XPO6: variants seen among roughly 807,000 people sequenced by gnomAD.
XPO6 encodes the protein exportin-6.
In XPO6, 3 loss-of-function variants were observed where a neutral mutation model predicts 130.0. That is an observed-to-expected ratio of 0.02 (90% CI 0.01 to 0.06). The LOEUF (loss-of-function observed/expected upper bound fraction) is 0.06, where lower values mean the gene tolerates loss of function less well. XPO6 is among the 10% of genes least tolerant of loss of function. The pLI is 1.00. For synonymous variants in XPO6, 524 were observed against 548.9 expected (o/e 0.95, Z 0.63); for missense variants, 970 against 1,393.0 (o/e 0.70, Z 4.83).
At chr16:28,140,950 C>G (rs1179228081) in intron 9 of XPO6, among the ~76,000 whole-genome samples, 2 of 152,160 alleles carry the variant, frequency 1.3e-5, no homozygotes, top group Admixed American at 1.3e-4. Context: ...AGGATTGAAG[C>G]ATATTCCTGG....
intron 2 of XPO6, among the ~76,000 whole-genome samples, chr16:28,178,770 A>AC (rs1477206146): frequency 6.6e-6 from 1 of 151,760 alleles, no homozygotes; most frequent in African/African-American, 2.4e-5. Flanking sequence ...AAAACAAAAA[A>AC]AAAAAAACAA....
At chr16:28,197,799 G>GT (rs1365717258) in intron 1 of XPO6, among the ~76,000 whole-genome samples, 2 of 150,770 alleles carry the variant, frequency 1.3e-5, no homozygotes, top group African/African-American at 4.9e-5. Flanking sequence ...GGCGCCTGCA[G>GT]TACCAGCTAC....
At chr16:28,125,644 G>C in intron 13 of XPO6, 45 bp downstream of exon 13, 4 of 1,588,480 alleles carry the variant, frequency 2.5e-6, no homozygotes, top group Non-Finnish European at 3.4e-6. Context: ...AGGTAAAGCT[G>C]AACTCTGAAG....
intron 21 of XPO6, among the ~76,000 whole-genome samples, 165 bp downstream of exon 21, chr16:28,104,381 C>T (rs2086725733): frequency 6.6e-6 from 1 of 152,222 alleles, no homozygotes. Flanking sequence ...ATTAGCTCCA[C>T]TTTGCAGATG....
intron 23 of XPO6, 83 bp from the exon 24 acceptor site, chr16:28,098,722 G>C: frequency 2.0e-6 from 2 of 1,018,358 alleles, no homozygotes; most frequent in Non-Finnish European, 2.9e-6. Flanking sequence ...CCATCCCAGA[G>C]TGTGCACTGA....
At chr16:28,156,605 A>C in intron 6 of XPO6, 78 bp from the exon 7 acceptor site, 1 of 877,684 alleles carries the variant, frequency 1.1e-6, no homozygotes, top group Admixed American at 3.3e-5. Context: ...CCTTCAAAAA[A>C]ATATATATAT....
intron 12 of XPO6, among the ~76,000 whole-genome samples, chr16:28,129,467 G>A (rs941061999): frequency 6.6e-6 from 1 of 152,136 alleles, no homozygotes; most frequent in East Asian, 1.9e-4. Context: ...GAATAATGCT[G>A]AAAGGTTTGG....
Position 28,106,611 on chromosome 16 carries a change from T to C in XPO6, c.2498-114A>G. 1 of 778,314 alleles carries C rather than the reference T, an allele frequency of 1.3e-6. No individual in the cohort carries two copies. Among genetic ancestry groups the C allele is most frequent in the Non-Finnish European group, 2.1e-6 (1 of 468,014 alleles). 48.2% of individuals were successfully genotyped at this position (778,314 alleles called of 1,614,324 possible). ...ACTATCAGCTTTCTCTACAGCTTCCTGCTGGAAACATTTCCCCAACACCAT... is the reference window on the plus strand; with the variant it reads ...ACTATCAGCTTTCTCTACAGCTTCCCGCTGGAAACATTTCCCCAACACCAT... On this transcript the variant is annotated intron_variant, in intron 18 of 23. Transcript: ENST00000304658. This position sits in a 1 kb window ranked among gnomAD's most constrained non-coding sequence, Gnocchi z 4.2.
intron 2 of XPO6, among the ~76,000 whole-genome samples, chr16:28,178,252 G>C (rs13329799): frequency 0.29 from 43,545 of 151,922 alleles, 6,361 homozygotes; most frequent in Middle Eastern, 0.33. Context: ...TAAGCTAAAT[G>C]CAACGACGCA....
intron 7 of XPO6, chr16:28,155,783 T>TA: frequency 2.1e-6 from 1 of 480,916 alleles, no homozygotes; most frequent in Non-Finnish European, 3.1e-6. Flanking sequence ...TGCAAGCAAA[T>TA]AGTAAGGAAA....
chr16:28,156,305 A>T lies in XPO6; in HGVS notation c.866T>A (p.Met289Lys). The part of the protein sequence containing the change: ...RFGCDIRARK[M>K]ASVNGSSQNC... ...CTGGCTGCTGCCGTTAACTGACGCC[A>T]TCTTTCTGGCCCGGATGTCACAGCC... Residue 289 changes from methionine to lysine, a missense_variant, in exon 7 of 24, where the codon ATG becomes AAG. By Grantham distance (95) the Met-to-Lys change is moderately conservative. This residue lies in a region of XPO6 where 936 missense variants were observed against 1,306.8 expected (regional missense o/e 0.72). Coordinates refer to ENST00000304658, the MANE Select transcript of XPO6 (RefSeq NM_015171.4). The T allele has an allele frequency of 6.2e-7, 1 of 1,614,104 alleles. No homozygotes were observed. The highest frequency in any genetic ancestry group is 8.5e-7 in the Non-Finnish European group (1 of 1,180,020).
rs145297887 is a variant in XPO6 at position 28,171,867 on chromosome 16, A to G, written c.406-1958T>C. Among the ~76,000 whole-genome samples the G allele has an allele frequency of 1.8e-3, 273 of 152,282 alleles. 2 individuals are homozygous for G. The highest frequency in any genetic ancestry group is 5.8e-3 in the African/African-American group (240 of 41,542). On this transcript the variant is annotated intron_variant, in intron 4 of 23. Transcript: ENST00000304658. ...TCCATTTGGAGACCTTTGGCTTATC[A>G]GTCTATATTCTAAAAGATTCCCATT...
chr16:28,194,380 T>TC (rs1396046964), intron 1 of XPO6, among the ~76,000 whole-genome samples: 4 of 152,194 alleles, frequency 2.6e-5, no homozygotes, highest in Admixed American at 6.5e-5. Context: ...TGAAAACGTG[T>TC]CCCACAGGCC....
chr16:28,205,358 ACTGT>A (rs1203891880), intron 1 of XPO6, among the ~76,000 whole-genome samples: 7 of 152,134 alleles, frequency 4.6e-5, no homozygotes, highest in Admixed American at 1.3e-4. Flanking sequence ...GACCTTTGTA[ACTGT>A]CTGCAAGAAA....
intron 4 of XPO6, chr16:28,173,077 A>G (rs751581558): frequency 1.3e-5 from 2 of 152,230 alleles, no homozygotes; most frequent in African/African-American, 2.4e-5. Context: ...TCTATTAGGT[A>G]TTAGAAGTAA....
At chr16:28,188,538 C>T (rs939249745) in intron 1 of XPO6, among the ~76,000 whole-genome samples, 1 of 151,990 alleles carries the variant, frequency 6.6e-6, no homozygotes, top group African/African-American at 2.4e-5. Flanking sequence ...AAAACATATC[C>T]GGTGTGTTAC....
chr16:28,173,765 TA>T (rs1240898793), intron 4 of XPO6, among the ~76,000 whole-genome samples: 1 of 152,076 alleles, frequency 6.6e-6, no homozygotes. Flanking sequence ...AGTGGACAAT[TA>T]GCCTTTTTAA....
chr16:28,175,440 C>A (rs1466029360), intron 4 of XPO6, among the ~76,000 whole-genome samples: 1 of 152,236 alleles, frequency 6.6e-6, no homozygotes, highest in Non-Finnish European at 1.5e-5. Flanking sequence ...AATCTAGCCC[C>A]TTACTCTGCC....
In XPO6 at chr16:28,101,754, TTTCTGTCACACTCTC is replaced by T; in HGVS notation, c.3045+78_3046-67del. On this transcript the variant is annotated intron_variant, in intron 22 of 23. Transcript: ENST00000304658. The surrounding 1 kb of genome is among the most constrained non-coding windows in gnomAD (Gnocchi z 5.4). Reference sequence around the variant, plus strand: ...GGGGCCTGTCCCGGGTCCCATCCACTTTCTGTCACACTCTCCAGTGAGTAACCTGAGGGTGGGACA... The same window carrying T: ...GGGGCCTGTCCCGGGTCCCATCCACTCAGTGAGTAACCTGAGGGTGGGACA... 1 of 1,583,396 alleles carries T rather than the reference TTTCTGTCACACTCTC, an allele frequency of 6.3e-7. No individual in the cohort carries two copies. The highest frequency in any genetic ancestry group is 1.7e-5 in the Admixed American group (1 of 58,158).
Sources: allele counts gnomAD v4.1 joint callset (sites outside exome capture counted in the v4.1 genomes callset), GRCh38; gene constraint gnomAD v4.1.1; regional missense constraint gnomAD v4.1.1; non-coding constraint Gnocchi (gnomAD v3.1); transcripts MANE v1.5; gene names NCBI Gene and HGNC (gene_info 2026-07-23, HGNC 2026-07-21).